The following ST8SIA4 variants were observed in gnomAD, a reference collection of about 807,000 sequenced individuals.
ST8SIA4 encodes CMP-N-acetylneuraminate-poly-alpha-2,8-sialyltransferase.
A neutral mutation model predicts 33.9 loss-of-function variants in ST8SIA4; 15 were observed. The observed-to-expected ratio is 0.44, with a 90% CI of 0.30 to 0.68. The LOEUF (loss-of-function observed/expected upper bound fraction) is 0.68, where lower values mean the gene tolerates loss of function less well. Among genes scored for constraint, ST8SIA4 ranks in the 30% least tolerant of loss-of-function variants. The pLI is 0.10. For missense variants in ST8SIA4, 321 were observed against 428.0 expected (o/e 0.75, Z 2.21); for synonymous variants, 171 against 151.2 (o/e 1.13, Z -0.96).
chr5:100,826,301 C>T (rs376571083), intron 4 of ST8SIA4, among the ~76,000 whole-genome samples: 3 of 152,136 alleles, frequency 2.0e-5, no homozygotes, highest in East Asian at 3.8e-4. Context: ...GAAAACATTG[C>T]TCCTTTTCAA....
chr5:100,853,993 GTGTGTGTGTGTGTGTGTA>G (rs1561395354), intron 4 of ST8SIA4, among the ~76,000 whole-genome samples: 2 of 24,056 alleles, frequency 8.3e-5, no homozygotes, highest in Admixed American at 3.5e-4. Context: ...GTATGTGTGT[GTGTGTGTGTGTGTGTGTA>G]TGTTTAAGAT....
rs1318693781 is a variant in ST8SIA4 at position 100,835,306 on chromosome 5, T to G, written c.797+20797A>C. On this transcript the variant is annotated intron_variant, in intron 4 of 4. Transcript: ENST00000231461. ...TGACAGCCAGGAATGATTCTCTACT[T>G]ATTTTGAAAGAGGTTGTCATTTTTT... 2.0e-5 allele frequency among the ~76,000 whole-genome samples: 3 copies of G among 152,170 alleles called. No homozygotes were observed. In the East Asian group the frequency reaches 5.8e-4, roughly 29 times the overall value.
At chr5:100,870,484 C>T (rs947680068) in intron 3 of ST8SIA4, among the ~76,000 whole-genome samples, 12 of 152,070 alleles carry the variant, frequency 7.9e-5, no homozygotes, top group African/African-American at 2.9e-4. Flanking sequence ...ATGCATTTTA[C>T]GAGAGTGCCA....
intron 3 of ST8SIA4, among the ~76,000 whole-genome samples, chr5:100,859,343 AG>A: frequency 6.6e-6 from 1 of 152,254 alleles, no homozygotes; most frequent in South Asian, 2.1e-4. Context: ...CATAAAATAG[AG>A]GAGTAGCCAG....
At chr5:100,861,929 T>C (rs73775454) in intron 3 of ST8SIA4, among the ~76,000 whole-genome samples, 2,631 of 152,302 alleles carry the variant, frequency 0.017, 67 homozygotes, top group African/African-American at 0.06. Flanking sequence ...CCTGGGTGGA[T>C]AAAACATATT....
chr5:100,895,418 G>T lies in ST8SIA4; in HGVS notation c.245+236C>A, dbSNP rs954010440. Among the ~76,000 whole-genome samples, 3 of 152,106 alleles carry T rather than the reference G, an allele frequency of 2.0e-5. 1 individual carries two copies. Among genetic ancestry groups the T allele is most frequent in the Admixed American group, 2.0e-4 (3 of 15,270 alleles). ...CTCTGCTGAATATTTTATTCCATTA[G>T]TATAAAGACAATATATTCAAAACTC... On this transcript the variant is annotated intron_variant, in intron 2 of 4. Transcript: ENST00000231461.
rs761023557 is a variant in ST8SIA4 at position 100,857,338 on chromosome 5, G to A, written c.504-942C>T. Among the ~76,000 whole-genome samples, 22 of 151,234 alleles carry A rather than the reference G, an allele frequency of 1.5e-4. No homozygotes were observed. In the East Asian group the frequency reaches 1.5e-3, roughly 11 times the overall value. ...ACCAATTTCTGATGCTTCTTTGATC[G>A]GTCACATAGACCTTTTTATACCTGA... On this transcript the variant is annotated intron_variant, in intron 3 of 4. Transcript: ENST00000231461.
At chr5:100,862,073 CTTTA>C (rs1383438255) in intron 3 of ST8SIA4, among the ~76,000 whole-genome samples, 3 of 152,196 alleles carry the variant, frequency 2.0e-5, no homozygotes, top group African/African-American at 7.2e-5. Flanking sequence ...GAAGCCCAAA[CTTTA>C]TTTATAACAC....
intron 3 of ST8SIA4, among the ~76,000 whole-genome samples, chr5:100,861,951 A>T (rs1312516838): frequency 6.6e-6 from 1 of 152,222 alleles, no homozygotes; most frequent in East Asian, 1.9e-4. Flanking sequence ...GATTATGCTA[A>T]TTCCTTTTAC....
intron 4 of ST8SIA4, among the ~76,000 whole-genome samples, chr5:100,827,453 C>G (rs1049479528): frequency 6.6e-6 from 1 of 152,180 alleles, no homozygotes; most frequent in Non-Finnish European, 1.5e-5. Context: ...GTCACTTGCA[C>G]ACATCTGCAT....
chr5:100,833,375 T>C (rs73775646), intron 4 of ST8SIA4, among the ~76,000 whole-genome samples: 2,635 of 152,238 alleles, frequency 0.017, 69 homozygotes, highest in African/African-American at 0.06. Context: ...TTTTACTCAA[T>C]TGATTGGGCT....
intron 4 of ST8SIA4, among the ~76,000 whole-genome samples, chr5:100,819,950 G>A (rs1265898117): frequency 1.3e-5 from 2 of 152,062 alleles, no homozygotes; most frequent in Non-Finnish European, 2.9e-5. Context: ...ATTCTTGCTG[G>A]TATTTTAGAG....
chr5:100,813,821 A>C (rs1344814631), intron 4 of ST8SIA4, among the ~76,000 whole-genome samples: 1 of 152,046 alleles, frequency 6.6e-6, no homozygotes, highest in Non-Finnish European at 1.5e-5. Context: ...TTAGTTAAAA[A>C]AAAACTATCT....
In ST8SIA4 at chr5:100,873,164, G is replaced by A. The variant is rs530179643; in HGVS notation, c.503+13179C>T. ...CCCTCTTAATTGATATCTTATTGCT[G>A]TTTTTGATTTATAAGGAAAAACATA... On this transcript the variant is annotated intron_variant, in intron 3 of 4. Transcript: ENST00000231461. Among the ~76,000 whole-genome samples the A allele has an allele frequency of 1.3e-4, 20 of 152,214 alleles. No individual in the cohort carries two copies. The South Asian group carries it at 3.3e-3, about 25-fold the overall frequency.
chr5:100,858,861 A>G (rs190554615), intron 3 of ST8SIA4, among the ~76,000 whole-genome samples: 131 of 152,220 alleles, frequency 8.6e-4, no homozygotes, highest in Non-Finnish European at 1.3e-3. Context: ...TGTCAAGGAT[A>G]GTAACTGAGG....
At chr5:100,885,779 T>C in intron 3 of ST8SIA4, 2 of 920,412 alleles carry the variant, frequency 2.2e-6, no homozygotes, top group African/African-American at 1.8e-5. Context: ...AAAACAAACA[T>C]GCACGCTTAA....
intron 2 of ST8SIA4, chr5:100,891,000 C>A (rs1752648187): frequency 6.6e-6 from 1 of 151,846 alleles, no homozygotes; most frequent in African/African-American, 2.4e-5. Flanking sequence ...CTGCAGAATC[C>A]CAGAAAATTA....
chr5:100,867,366 G>A (rs1187295236), intron 3 of ST8SIA4, among the ~76,000 whole-genome samples: 1 of 152,040 alleles, frequency 6.6e-6, no homozygotes, highest in African/African-American at 2.4e-5. Flanking sequence ...ATTGGTCTGT[G>A]GTTGCTGAGC....
intron 4 of ST8SIA4, among the ~76,000 whole-genome samples, chr5:100,819,797 A>G (rs1488534694): frequency 1.3e-5 from 2 of 152,224 alleles, no homozygotes; most frequent in Non-Finnish European, 2.9e-5. Flanking sequence ...TTGTAAAGAT[A>G]GCTTCATTAC....
Sources: gnomAD v4.1 joint callset for allele counts (sites outside exome capture counted in the v4.1 genomes callset) on GRCh38, gnomAD v4.1.1 for gene constraint, MANE v1.5 for transcripts, NCBI Gene and HGNC (gene_info 2026-07-23, HGNC 2026-07-21) for gene names.